ARID5B: variants seen among roughly 807,000 people sequenced by gnomAD.
The protein encoded by ARID5B is AT-rich interactive domain-containing protein 5B.
In ARID5B, 13 loss-of-function variants were observed where a neutral mutation model predicts 97.2. The ratio of observed to expected loss-of-function variants is 0.13; its 90% CI spans 0.09 to 0.21. The LOEUF (loss-of-function observed/expected upper bound fraction) is 0.21. Among genes scored for constraint, ARID5B ranks in the 10% least tolerant of loss-of-function variants. ARID5B has a pLI of 1.00. For missense variants in ARID5B, 1,210 were observed against 1,465.3 expected (o/e 0.83, Z 2.84); for synonymous variants, 556 against 570.3 (o/e 0.97, Z 0.36).
chr10:62,004,873 G>C (rs1839126594), intron 4 of ARID5B, among the ~76,000 whole-genome samples: 1 of 152,174 alleles, frequency 6.6e-6, no homozygotes, highest in South Asian at 2.1e-4. Context: ...TAAGGTACTG[G>C]CTTCCATCAA....
At chr10:62,027,102 A>G (rs1287636726) in intron 4 of ARID5B, among the ~76,000 whole-genome samples, 3 of 151,930 alleles carry the variant, frequency 2.0e-5, no homozygotes, top group African/African-American at 4.8e-5. Context: ...CACCACCTCC[A>G]TGATACAAAA....
chr10:62,078,388 T>C (rs1269523368), intron 8 of ARID5B, among the ~76,000 whole-genome samples: 2 of 151,726 alleles, frequency 1.3e-5, no homozygotes, highest in African/African-American at 4.8e-5. Context: ...ATTCAGGGAG[T>C]TGAGGTGGGA....
chr10:61,940,298 C>T lies in ARID5B; in HGVS notation c.392C>T (p.Thr131Ile), dbSNP rs1471732928. Reference sequence around the variant, plus strand: ...GGCTTCCACGCTGGACCAGTGAAAACTGAGGCCTTGGGAAGGAATGGACAG... The same window carrying T: ...GGCTTCCACGCTGGACCAGTGAAAATTGAGGCCTTGGGAAGGAATGGACAG... ...RCGFHAGPVK[T>I]EALGRNGQKE... Residue 131 changes from threonine to isoleucine, a missense_variant, in exon 3 of 10, where the codon ACT (threonine) becomes ATT (isoleucine). Thr to Ile is a moderately conservative substitution (Grantham distance 89). Transcript: ENST00000279873. 1 of 1,614,150 alleles carries T rather than the reference C, an allele frequency of 6.2e-7. No individual in the cohort carries two copies. Among genetic ancestry groups the T allele is most frequent in the African/African-American group, 1.3e-5 (1 of 75,038 alleles).
intron 6 of ARID5B, 117 bp from the exon 7 acceptor site, chr10:62,059,126 G>A (rs1466907242): frequency 5.3e-6 from 4 of 748,330 alleles, no homozygotes; most frequent in Admixed American, 5.6e-5. Context: ...AGCTCTCTGG[G>A]GTACTTTAGT....
At chr10:61,924,333 G>T (rs1399827651) in intron 2 of ARID5B, among the ~76,000 whole-genome samples, 3 of 152,170 alleles carry the variant, frequency 2.0e-5, no homozygotes, top group Non-Finnish European at 2.9e-5. Context: ...ATTGGCTTTT[G>T]CATTAATCCT....
At chr10:61,974,304 G>C (rs925943437) in intron 3 of ARID5B, among the ~76,000 whole-genome samples, 6 of 152,172 alleles carry the variant, frequency 3.9e-5, no homozygotes, top group Non-Finnish European at 8.8e-5. Flanking sequence ...ATATCTTCTA[G>C]GGTCTTTTTT....
chr10:61,923,424 T>C (rs985479402), intron 2 of ARID5B, among the ~76,000 whole-genome samples: 1 of 152,222 alleles, frequency 6.6e-6, no homozygotes, highest in African/African-American at 2.4e-5. Context: ...AGTCCACACA[T>C]ACATGACTAT....
rs540449951 is a variant in ARID5B at position 61,942,943 on chromosome 10, TG to T, written c.502+2539del. ...GAGAGTTGATTGGGAGGCTCTCTCC[TG>T]GGGCACAAGAAACACCATGTACTTA... On this transcript the variant is annotated intron_variant, in intron 3 of 9. Coordinates refer to ENST00000279873, the MANE Select transcript of ARID5B (RefSeq NM_032199.3). Among the ~76,000 whole-genome samples, 397 of 152,326 alleles carry T rather than the reference TG, an allele frequency of 2.6e-3. 4 individuals carry two copies. The highest frequency in any genetic ancestry group is 9.1e-3 in the African/African-American group (378 of 41,564).
intron 3 of ARID5B, among the ~76,000 whole-genome samples, chr10:61,962,665 A>G (rs1001234175): frequency 6.6e-6 from 1 of 152,382 alleles, no homozygotes; most frequent in African/African-American, 2.4e-5. Flanking sequence ...GCAGTTCTGA[A>G]TACAAATATT....
intron 8 of ARID5B, among the ~76,000 whole-genome samples, chr10:62,080,470 A>G (rs1229552334): frequency 2.6e-5 from 4 of 152,176 alleles, no homozygotes; most frequent in Non-Finnish European, 4.4e-5. Flanking sequence ...TTTTATGGTC[A>G]TGGTCTAGCA....
intron 4 of ARID5B, among the ~76,000 whole-genome samples, chr10:62,016,243 T>C (rs1839282715): frequency 1.3e-5 from 2 of 152,236 alleles, no homozygotes; most frequent in African/African-American, 4.8e-5. Context: ...TTTTGTGCTA[T>C]GACAGCTGAC....
chr10:62,041,177 C>T (rs1839632962), intron 4 of ARID5B, among the ~76,000 whole-genome samples: 1 of 152,192 alleles, frequency 6.6e-6, no homozygotes, highest in African/African-American at 2.4e-5. Flanking sequence ...CACCCTGCTC[C>T]AAGACACACG....
At chr10:61,945,686 G>A (rs1162584982) in intron 3 of ARID5B, among the ~76,000 whole-genome samples, 1 of 152,052 alleles carries the variant, frequency 6.6e-6, no homozygotes, top group Admixed American at 6.6e-5. Flanking sequence ...TTTCTCATTG[G>A]ATTTTTGAGA....
intron 8 of ARID5B, among the ~76,000 whole-genome samples, chr10:62,072,041 A>G (rs1840071969): frequency 6.6e-6 from 1 of 152,208 alleles, no homozygotes; most frequent in Non-Finnish European, 1.5e-5. Context: ...AACAACTGTA[A>G]GTTCCCTAGG....
intron 3 of ARID5B, among the ~76,000 whole-genome samples, chr10:61,979,507 C>A (rs986598491): frequency 6.6e-6 from 1 of 152,200 alleles, no homozygotes; most frequent in Non-Finnish European, 1.5e-5. Context: ...CCAGCCAACA[C>A]TTCTCCCCAT....
chr10:62,091,637 G>C lies in ARID5B; in HGVS notation c.2174G>C (p.Arg725Thr), dbSNP rs751168331. The C allele has an allele frequency of 3.7e-6, 6 of 1,613,998 alleles. No homozygotes were observed. The highest frequency in any genetic ancestry group is 2.7e-5 in the African/African-American group (2 of 74,932). The part of the protein sequence containing the change: ...PLISKKKLIA[R>T]DDLCSSLSQT... ...ATCAGCAAAAAGAAACTGATTGCTA[G>C]GGATGACTTGTGTTCCAGTTTGTCC... The change falls in exon 10 of 10, where the codon AGG becomes ACG. Residue 725 changes from arginine to threonine, a missense_variant. By Grantham distance (71) the Arg-to-Thr change is moderately conservative. This residue lies in a region of ARID5B where 800 missense variants were observed against 839.1 expected (regional missense o/e 0.95). Transcript: ENST00000279873.
At chr10:61,926,522 C>CT (rs1564603628) in intron 2 of ARID5B, among the ~76,000 whole-genome samples, 1 of 152,178 alleles carries the variant, frequency 6.6e-6, no homozygotes, top group Non-Finnish European at 1.5e-5. Flanking sequence ...TAAAGCATCT[C>CT]TGAGTTTTCT....
chr10:62,011,154 A>G (rs1339946810), intron 4 of ARID5B, among the ~76,000 whole-genome samples: 1 of 152,208 alleles, frequency 6.6e-6, no homozygotes, highest in Non-Finnish European at 1.5e-5. Flanking sequence ...AGGCAAGTTC[A>G]TAACACACAG....
At chr10:61,915,153 G>A (rs772989711) in intron 2 of ARID5B, among the ~76,000 whole-genome samples, 4 of 152,064 alleles carry the variant, frequency 2.6e-5, no homozygotes, top group East Asian at 1.9e-4. Context: ...TCCACATAGC[G>A]CCTTTCTCAC....
Sources: allele counts gnomAD v4.1 joint callset (sites outside exome capture counted in the v4.1 genomes callset), GRCh38; gene constraint gnomAD v4.1.1; regional missense constraint gnomAD v4.1.1; transcripts MANE v1.5; gene names NCBI Gene and HGNC (gene_info 2026-07-23, HGNC 2026-07-21).